The following GALP variants were observed in gnomAD, a reference collection of about 807,000 sequenced individuals.
GALP encodes the protein galanin like peptide.
A neutral mutation model predicts 15.2 loss-of-function variants in GALP; 12 were observed. The observed-to-expected ratio is 0.79, with a 90% CI of 0.51 to 1.28. GALP has a LOEUF of 1.28. Ranked by LOEUF, GALP falls within the 50% of genes most tolerant of loss-of-function variation. GALP has a pLI of 0.00. For missense variants in GALP, 161 were observed against 145.6 expected (o/e 1.11, Z -0.55); for synonymous variants, 58 against 55.1 (o/e 1.05, Z -0.23).
Position 56,180,544 on chromosome 19 carries a change from C to A in GALP, c.88-42C>A, listed in dbSNP as rs756660495. 5.0e-5 allele frequency: 79 copies of A among 1,591,184 alleles called. No individual in the cohort carries two copies. In the Middle Eastern group the frequency reaches 6.6e-4, roughly 13 times the overall value. On this transcript the variant is annotated intron_variant, in intron 2 of 5. Coordinates refer to ENST00000357330, the MANE Select transcript of GALP (RefSeq NM_033106.4). The stretch of plus-strand genomic sequence containing the variant: ...CCGGACCTGTGGGACGCCTGCCCCG[C>A]TTTCTGTCTGCTTGAGTCTTGATTT...
chr19:56,184,473 CTTTTCT>C (rs1412807901), intron 5 of GALP, among the ~76,000 whole-genome samples: 1 of 137,396 alleles, frequency 7.3e-6, no homozygotes, highest in Non-Finnish European at 1.6e-5. Context: ...CCTTTTTTTT[CTTTTCT>C]TTTTCTTTTT....
At chr19:56,183,877 C>T (rs1443736827) in intron 5 of GALP, among the ~76,000 whole-genome samples, 6 of 152,092 alleles carry the variant, frequency 3.9e-5, no homozygotes, top group South Asian at 2.1e-4. Flanking sequence ...GGATTACAGG[C>T]GTGAGCCACT....
intron 4 of GALP, 34 bp downstream of exon 4, chr19:56,182,286 C>A (rs769772853): frequency 2.3e-5 from 35 of 1,508,734 alleles, no homozygotes; most frequent in Non-Finnish European, 3.1e-5. Flanking sequence ...TCTTCTCCTG[C>A]GTCCTCCCCT....
intron 2 of GALP, among the ~76,000 whole-genome samples, chr19:56,179,496 T>C (rs544589634): frequency 2.6e-4 from 40 of 151,398 alleles, no homozygotes; most frequent in African/African-American, 9.4e-4. Context: ...ATATTTTGTA[T>C]TTTTAGTAGA....
Position 56,185,648 on chromosome 19 carries a change from T to C in GALP, c.*378T>C, listed in dbSNP as rs1381422695. 6.2e-6 allele frequency: 1 copy of C among 162,460 alleles called. No homozygotes were observed. Among genetic ancestry groups the C allele is most frequent in the African/African-American group, 2.4e-5 (1 of 41,868 alleles). 10.1% of individuals were successfully genotyped at this position (162,460 alleles called of 1,614,324 possible). ...TCTTAAGTCTGAGAGTCTGTGTCTT[T>C]ATTTGAAAAGATTCTTCAAATTGCG... On this transcript the variant is annotated 3_prime_UTR_variant, in exon 6 of 6. Coordinates refer to ENST00000357330, the MANE Select transcript of GALP (RefSeq NM_033106.4).
intron 5 of GALP, among the ~76,000 whole-genome samples, chr19:56,184,917 C>T (rs1024141421): frequency 3.9e-5 from 6 of 152,176 alleles, no homozygotes; most frequent in Non-Finnish European, 8.8e-5. Flanking sequence ...ATCCTCACCT[C>T]GATTACATTC....
Position 56,182,299 on chromosome 19 carries a change from G to A in GALP, c.217+47G>A, listed in dbSNP as rs774610045. 49 of 1,431,536 alleles carry A rather than the reference G, an allele frequency of 3.4e-5. No homozygotes were observed. In the South Asian group the frequency reaches 3.8e-4, roughly 11 times the overall value. The allele number at this position is 1,431,536 out of a possible 1,614,324, so 88.7% of individuals were successfully genotyped here. A position where few individuals can be genotyped will look rare whatever the true frequency, so the allele number is the denominator to read the frequency against. ...CGTCTTCTCCTGCGTCCTCCCCTGC[G>A]GGCTCTCTCCTGGCTTTGGAAACTG... is the stretch of plus-strand genomic sequence containing the variant. On this transcript the variant is annotated intron_variant, in intron 4 of 5. Coordinates refer to ENST00000357330, the MANE Select transcript of GALP (RefSeq NM_033106.4).
intron 2 of GALP, among the ~76,000 whole-genome samples, chr19:56,178,109 G>GT (rs1482515402): frequency 6.6e-6 from 1 of 151,340 alleles, no homozygotes; most frequent in African/African-American, 2.4e-5. Context: ...CAGTGTAGCC[G>GT]TATTTCCACA....
At chr19:56,177,370 G>T (rs891068106) in intron 2 of GALP, among the ~76,000 whole-genome samples, 175 bp downstream of exon 2, 10 of 152,062 alleles carry the variant, frequency 6.6e-5, no homozygotes, top group African/African-American at 2.2e-4. Context: ...AATTAGCCGG[G>T]CATGGTGGCA....
At chr19:56,182,082 G>A (rs570692420) in intron 3 of GALP, 90 bp from the exon 4 acceptor site, 58 of 912,482 alleles carry the variant, frequency 6.4e-5, no homozygotes, top group African/African-American at 5.4e-4. Flanking sequence ...CGCTGCGTCC[G>A]GTGAGCCATG....
At chr19:56,182,134 A>C in intron 3 of GALP, 38 bp from the exon 4 acceptor site, 5 of 1,459,792 alleles carry the variant, frequency 3.4e-6, no homozygotes, top group Non-Finnish European at 4.8e-6. Context: ...GTTCTACTTA[A>C]CCGACCACCT....
intron 3 of GALP, 84 bp downstream of exon 3, chr19:56,180,718 C>T: frequency 3.7e-6 from 4 of 1,074,440 alleles, no homozygotes; most frequent in Non-Finnish European, 5.7e-6. Flanking sequence ...CTTGTAAAGA[C>T]CCTCACCCAC....
chr19:56,177,337 C>T (rs16987031), intron 2 of GALP, 142 bp downstream of exon 2: 14 of 696,718 alleles, frequency 2.0e-5, no homozygotes, highest in Non-Finnish European at 2.7e-5. Context: ...AGAAATATTG[C>T]GTGTCTCTAC....
At chr19:56,177,325 G>C (rs2032481958) in intron 2 of GALP, 130 bp downstream of exon 2, 1 of 757,644 alleles carries the variant, frequency 1.3e-6, no homozygotes, top group Non-Finnish European at 2.2e-6. Flanking sequence ...GAAAATATGA[G>C]AAGAAATATT....
chr19:56,183,316 CCA>C, intron 5 of GALP, 104 bp downstream of exon 5: 1 of 927,594 alleles, frequency 1.1e-6, no homozygotes, highest in Non-Finnish European at 1.8e-6. Flanking sequence ...GAAACTGGAA[CCA>C]ACCAGGGACC....
In GALP at chr19:56,178,521, CAAAAAAA is replaced by C. The variant is rs80223966; in HGVS notation, c.87+1341_87+1347del. Among the ~76,000 whole-genome samples the C allele has an allele frequency of 6.5e-3, 560 of 85,780 alleles. 6 individuals carry two copies. Among genetic ancestry groups the C allele is most frequent in the African/African-American group, 0.023 (522 of 22,838 alleles). The allele number at this position is 85,780 out of a possible 152,430, so 56.3% of individuals were successfully genotyped here. On this transcript the variant is annotated intron_variant, in intron 2 of 5. Coordinates refer to ENST00000357330, the MANE Select transcript of GALP (RefSeq NM_033106.4). ...AGAAAAGAAATGCTAACAACAACAA[CAAAAAAA>C]AAAAAAAAAAAAAAGAGACGCCGGC...
intron 2 of GALP, among the ~76,000 whole-genome samples, chr19:56,178,279 C>A (rs773363785): frequency 6.6e-6 from 1 of 150,746 alleles, no homozygotes; most frequent in Non-Finnish European, 1.5e-5. Flanking sequence ...GCCTGGGCAA[C>A]ATAGTGAGAA....
At chr19:56,182,139 C>T (rs373873063) in intron 3 of GALP, 33 bp from the exon 4 acceptor site, 5 of 1,502,386 alleles carry the variant, frequency 3.3e-6, no homozygotes, top group East Asian at 4.5e-5. Context: ...ACTTAACCGA[C>T]CACCTGCTCT....
chr19:56,177,749 T>C (rs1310640045), intron 2 of GALP, among the ~76,000 whole-genome samples: 2 of 152,158 alleles, frequency 1.3e-5, no homozygotes, highest in Non-Finnish European at 2.9e-5. Flanking sequence ...TGCGACTTTC[T>C]AGCTGTGTGA....
Sources: allele counts gnomAD v4.1 joint callset (sites outside exome capture counted in the v4.1 genomes callset), GRCh38; gene constraint gnomAD v4.1.1; transcripts MANE v1.5; gene names NCBI Gene and HGNC (gene_info 2026-07-23, HGNC 2026-07-21).